Variants in RORA observed in about 807,000 individuals in gnomAD.
RORA encodes the protein RAR related orphan receptor A, also known as nuclear receptor ROR-alpha.
In RORA, 7 loss-of-function variants were observed where a neutral mutation model predicts 69.5. That is an observed-to-expected ratio of 0.10 (90% CI 0.06 to 0.19). The LOEUF (loss-of-function observed/expected upper bound fraction) is 0.19. RORA is among the 10% of genes least tolerant of loss of function. The pLI is 1.00. For synonymous variants in RORA, 261 were observed against 240.8 expected (o/e 1.08, Z -0.78); for missense variants, 457 against 663.0 (o/e 0.69, Z 3.41).
chr15:60,546,954 G>A (rs1595951561), intron 2 of RORA, among the ~76,000 whole-genome samples: 2 of 152,152 alleles, frequency 1.3e-5, no homozygotes, highest in Admixed American at 1.3e-4. Flanking sequence ...CACTGCTTGC[G>A]TAGCATTTTG....
intron 1 of RORA, among the ~76,000 whole-genome samples, chr15:60,975,925 G>A (rs1893861427): frequency 6.6e-6 from 1 of 152,178 alleles, no homozygotes; most frequent in Admixed American, 6.5e-5. Flanking sequence ...TTTGCATTTT[G>A]TGAGGTTTTC....
In RORA at chr15:60,945,838, C is replaced by A. The variant is rs149924959; in HGVS notation, c.167-267152G>T. On this transcript the variant is annotated intron_variant, in intron 1 of 10. Coordinates refer to ENST00000335670, the MANE Select transcript of RORA (RefSeq NM_134261.3). ...AGGATCACTTAATTGGCCAGAAGAG[C>A]CAGAAGCAAGCTAACCTATCAACCT... is the stretch of plus-strand genomic sequence containing the variant. 3.3e-4 allele frequency among the ~76,000 whole-genome samples: 50 copies of A among 152,290 alleles called. No individual in the cohort carries two copies. The East Asian group carries it at 9.5e-3, about 29-fold the overall frequency.
chr15:60,535,600 C>T (rs1249663144), intron 2 of RORA, among the ~76,000 whole-genome samples: 1 of 152,134 alleles, frequency 6.6e-6, no homozygotes, highest in Non-Finnish European at 1.5e-5. Flanking sequence ...GGAACAAGAA[C>T]TTGGGCACTA....
chr15:61,072,972 G>A (rs1041330689), intron 1 of RORA, among the ~76,000 whole-genome samples: 1 of 152,230 alleles, frequency 6.6e-6, no homozygotes, highest in African/African-American at 2.4e-5. Flanking sequence ...TGAATTCCAG[G>A]AATTTATGTT....
intron 1 of RORA, among the ~76,000 whole-genome samples, chr15:60,728,004 C>T (rs1021709148): frequency 1.3e-5 from 2 of 152,162 alleles, no homozygotes; most frequent in Non-Finnish European, 2.9e-5. Flanking sequence ...CACTTTAACT[C>T]GGAGACTGGG....
chr15:61,179,335 A>C (rs1384886224), intron 1 of RORA, among the ~76,000 whole-genome samples: 1 of 152,252 alleles, frequency 6.6e-6, no homozygotes, highest in Non-Finnish European at 1.5e-5. Context: ...TGAATGCAGA[A>C]GCAGAGCTGG....
chr15:60,844,384 T>C (rs965995798), intron 1 of RORA, among the ~76,000 whole-genome samples: 6 of 152,178 alleles, frequency 3.9e-5, no homozygotes, highest in Admixed American at 1.3e-4. Context: ...AGTTCCCAAA[T>C]GGAAAAGCCA....
chr15:60,511,714 C>T lies in RORA; in HGVS notation c.425-93G>A, dbSNP rs902782408. 1.5e-6 allele frequency: 2 copies of T among 1,338,378 alleles called. No individual in the cohort carries two copies. Among genetic ancestry groups the T allele is most frequent in the African/African-American group, 1.5e-5 (1 of 67,700 alleles). The allele number at this position is 1,338,378 out of a possible 1,614,324, so 82.9% of individuals were successfully genotyped here. A position where few individuals can be genotyped will look rare whatever the true frequency, so the allele number is the denominator to read the frequency against. On this transcript the variant is annotated intron_variant, in intron 4 of 10. Coordinates refer to ENST00000335670, the MANE Select transcript of RORA (RefSeq NM_134261.3). This position sits in a 1 kb window ranked among gnomAD's most constrained non-coding sequence, Gnocchi z 6.4. ...TTGGGGTTTCCTTTGAAGTCTCACA[C>T]AATCTCAATCCAAAACTGCATGACC...
At chr15:60,633,802 C>T (rs565205660) in intron 2 of RORA, among the ~76,000 whole-genome samples, 1 of 152,304 alleles carries the variant, frequency 6.6e-6, no homozygotes, top group East Asian at 1.9e-4. Flanking sequence ...AAATAAACTG[C>T]CCAGCCCAAA....
intron 1 of RORA, among the ~76,000 whole-genome samples, chr15:60,696,372 C>CA (rs111744870): frequency 6.6e-6 from 1 of 150,562 alleles, no homozygotes; most frequent in African/African-American, 2.4e-5. Context: ...GGCTGATTTA[C>CA]AGAAAAAAAA....
intron 1 of RORA, among the ~76,000 whole-genome samples, chr15:61,103,242 G>A (rs577627153): frequency 5.9e-5 from 9 of 152,260 alleles, no homozygotes; most frequent in Non-Finnish European, 1.0e-4. Context: ...TGGAGGATGG[G>A]CTGTGAGCAT....
chr15:61,211,941 C>T (rs895573934), intron 1 of RORA: 1 of 152,184 alleles, frequency 6.6e-6, no homozygotes, highest in African/African-American at 2.4e-5. Context: ...CCAGTCATAA[C>T]CAAGGTCAGC....
intron 4 of RORA, among the ~76,000 whole-genome samples, chr15:60,514,292 C>A (rs553924496): frequency 6.6e-6 from 1 of 152,248 alleles, no homozygotes; most frequent in East Asian, 1.9e-4. Flanking sequence ...TTTATTAAGG[C>A]CTTCAGATGA....
chr15:60,855,659 C>T (rs2073371839), intron 1 of RORA, among the ~76,000 whole-genome samples: 1 of 151,606 alleles, frequency 6.6e-6, no homozygotes, highest in Non-Finnish European at 1.5e-5. Context: ...CGCTCTGTCG[C>T]CCAGGCTGGA....
chr15:60,591,728 A>G (rs1256951531), intron 2 of RORA, among the ~76,000 whole-genome samples: 1 of 152,056 alleles, frequency 6.6e-6, no homozygotes, highest in Non-Finnish European at 1.5e-5. Context: ...TGGGCCGCCC[A>G]GAGCGTCTTG....
chr15:61,135,785 G>A (rs563214205), intron 1 of RORA, among the ~76,000 whole-genome samples: 1 of 152,244 alleles, frequency 6.6e-6, no homozygotes, highest in African/African-American at 2.4e-5. Flanking sequence ...CAGACACCGA[G>A]CATCACTGAC....
intron 1 of RORA, among the ~76,000 whole-genome samples, chr15:61,039,456 T>C (rs974799238): frequency 6.6e-6 from 1 of 152,054 alleles, no homozygotes; most frequent in Non-Finnish European, 1.5e-5. Flanking sequence ...ACATTCTTCC[T>C]TGGTAAAACA....
rs2066986737 is a variant in RORA, at chr15:60,543,920, C to T, written c.197-12069G>A. Among the ~76,000 whole-genome samples, 3 of 152,190 alleles carry T rather than the reference C, an allele frequency of 2.0e-5. No homozygotes were observed. In the East Asian group the frequency reaches 5.8e-4, roughly 29 times the overall value. On this transcript the variant is annotated intron_variant, in intron 2 of 10. Coordinates refer to ENST00000335670, the MANE Select transcript of RORA (RefSeq NM_134261.3). ...CAGAGGCCTAATGTGAGAAACAACACTAACCAGGGCACGATAGAAAGAAAC... is the reference window on the plus strand; with the variant it reads ...CAGAGGCCTAATGTGAGAAACAACATTAACCAGGGCACGATAGAAAGAAAC...
chr15:60,882,670 CAA>C (rs61080763), intron 1 of RORA, among the ~76,000 whole-genome samples: 3 of 146,050 alleles, frequency 2.1e-5, no homozygotes, highest in Non-Finnish European at 4.6e-5. Context: ...CACACACACA[CAA>C]ACACACACAC....
Sources: gnomAD v4.1 joint callset for allele counts (sites outside exome capture counted in the v4.1 genomes callset) on GRCh38, gnomAD v4.1.1 for gene constraint, Gnocchi (gnomAD v3.1) non-coding constraint, MANE v1.5 for transcripts, NCBI Gene and HGNC (gene_info 2026-07-23, HGNC 2026-07-21) for gene names.